Variants in TRIP11 observed in about 807,000 individuals in gnomAD.
TRIP11 encodes thyroid receptor-interacting protein 11.
Under a neutral mutation model 223.1 loss-of-function variants are expected in TRIP11, and 148 were observed. The observed-to-expected ratio is 0.66, with a 90% CI of 0.58 to 0.76. The LOEUF (loss-of-function observed/expected upper bound fraction) is 0.76, where lower values mean the gene tolerates loss of function less well. TRIP11 is among the 30% of genes least tolerant of loss of function. TRIP11 has a pLI of 0.00. For synonymous variants in TRIP11, 762 were observed against 772.6 expected, an observed-to-expected ratio of 0.99 and a Z score of 0.23; for missense variants, 2,043 against 2,222.0, an observed-to-expected ratio of 0.92 and a Z score of 1.62.
intron 13 of TRIP11, among the ~76,000 whole-genome samples, chr14:91,996,469 G>C (rs999980849): frequency 6.6e-6 from 1 of 152,166 alleles, no homozygotes; most frequent in African/African-American, 2.4e-5. Flanking sequence ...TTGAGCCCAG[G>C]AGCTTGAGGC....
chr14:92,029,280 A>ATTTTTTTTTT lies in TRIP11; in HGVS notation c.202-3870_202-3861dup, dbSNP rs60778253. On this transcript the variant is annotated intron_variant, in intron 2 of 20. Coordinates refer to ENST00000267622, the MANE Select transcript of TRIP11 (RefSeq NM_004239.4). ...TTCTGACTGCATTGCCCAAAGTATTATTTTTTTTTTTTTTTTTTTTTTTTT... is the reference window on the plus strand; with the variant it reads ...TTCTGACTGCATTGCCCAAAGTATTATTTTTTTTTTTTTTTTTTTTTTTTTTTTTTTTTTT... Among the ~76,000 whole-genome samples, 32 of 76,796 alleles carry ATTTTTTTTTT rather than the reference A, an allele frequency of 4.2e-4. 1 individual carries two copies. Among genetic ancestry groups the ATTTTTTTTTT allele is most frequent in the African/African-American group, 1.4e-3 (24 of 17,294 alleles). 50.4% of individuals were successfully genotyped at this position (76,796 alleles called of 152,430 possible). A position where few individuals can be genotyped will look rare whatever the true frequency, so the allele number is the denominator to read the frequency against.
chr14:91,980,441 T>C (rs1370091078), intron 16 of TRIP11, among the ~76,000 whole-genome samples: 3 of 152,360 alleles, frequency 2.0e-5, no homozygotes, highest in East Asian at 1.9e-4. Context: ...ATATGAATCA[T>C]GGTCCTATCA....
rs765791979 is a variant in TRIP11, at chr14:91,993,891, G to A, written c.5078C>T (p.Ala1693Val). 23 of 1,613,018 alleles carry A rather than the reference G, an allele frequency of 1.4e-5. No homozygotes were observed. The South Asian group carries it at 2.2e-4, about 15-fold the overall frequency. The stretch of plus-strand genomic sequence containing the variant: ...AAGCTGTTTTTGCTTTTCGAGTTCA[G>A]CAGAATACATAGCTTTTTCCTCTAA... ...FQQEEKAMYS[A>V]ELEKQKQLIA... Residue 1693 changes from alanine to valine, a missense_variant, in exon 15 of 21, where the codon GCT becomes GTT. Ala to Val is a moderately conservative substitution (Grantham distance 64). Transcript: ENST00000267622.
In TRIP11 at chr14:92,025,508, T is replaced by TCCCC. The variant is rs577391295; in HGVS notation, c.202-89_202-88insGGGG. 4.0e-3 allele frequency: 3,357 copies of TCCCC among 832,738 alleles called. 78 individuals are homozygous for TCCCC. In the African/African-American group the frequency reaches 0.051, roughly 13 times the overall value. 51.6% of individuals were successfully genotyped at this position (832,738 alleles called of 1,614,324 possible). On this transcript the variant is annotated intron_variant, in intron 2 of 20. Transcript: ENST00000267622. ...ACAGCATTATGAAAAACGTACTGCT[T>TCCCC]TCCCCCCCCAAAAATGTCAAATATA...
intron 6 of TRIP11, among the ~76,000 whole-genome samples, chr14:92,014,898 T>G (rs1465509168): frequency 6.9e-6 from 1 of 145,218 alleles, no homozygotes; most frequent in Non-Finnish European, 1.5e-5. Flanking sequence ...ATTTCCATTT[T>G]CACAGAATTT....
At position 92,039,542 on chromosome 14, in the gene TRIP11, G is replaced by A. The variant is rs1305421906; in HGVS notation, c.139+5C>T. 6.2e-7 allele frequency: 1 copy of A among 1,613,678 alleles called. No individual in the cohort carries two copies. Among genetic ancestry groups the A allele is most frequent in the South Asian group, 1.1e-5 (1 of 90,992 alleles). ...AGCCCTCCCTTCCCTCGCTCCAGCT[G>A]TTACCTTCCACTTCCTCCGTGCCCT... On this transcript the variant is annotated splice_donor_5th_base_variant and intron_variant, in intron 1 of 20. Coordinates refer to ENST00000267622, the MANE Select transcript of TRIP11 (RefSeq NM_004239.4).
chr14:91,982,152 A>C (rs1379347661), intron 16 of TRIP11, among the ~76,000 whole-genome samples: 1 of 152,196 alleles, frequency 6.6e-6, no homozygotes, highest in Non-Finnish European at 1.5e-5. Context: ...TACTATGTAC[A>C]CTTGATTTTA....
chr14:92,020,035 G>C (rs1802974464), intron 4 of TRIP11, among the ~76,000 whole-genome samples: 1 of 152,060 alleles, frequency 6.6e-6, no homozygotes, highest in Admixed American at 6.6e-5. Flanking sequence ...GCGGCCTGAG[G>C]TCAAGAGTTT....
At chr14:92,025,183 T>C (rs556992711) in intron 3 of TRIP11, 127 bp downstream of exon 3, 1 of 737,306 alleles carries the variant, frequency 1.4e-6, no homozygotes, top group Non-Finnish European at 2.2e-6. Flanking sequence ...GAGTCGAAAA[T>C]CATTAAATTC....
Position 92,006,291 on chromosome 14 carries a change from T to C in TRIP11, c.1685A>G (p.Glu562Gly). 6.2e-7 allele frequency: 1 copy of C among 1,610,372 alleles called. No individual in the cohort carries two copies. Among genetic ancestry groups the C allele is most frequent in the Non-Finnish European group, 8.5e-7 (1 of 1,178,616 alleles). ...DITKELDVQKEKLIQSEVALN... is the reference protein window; with the variant it reads ...DITKELDVQKGKLIQSEVALN... Reference sequence around the variant, plus strand: ...GGCCACTTCACTTTGAATTAGCTTTTCTTTCTGTACATCTAACTCTTTAGT... The same window carrying C: ...GGCCACTTCACTTTGAATTAGCTTTCCTTTCTGTACATCTAACTCTTTAGT... The change falls in exon 11 of 21, where the codon GAA becomes GGA. Residue 562 changes from glutamate to glycine, a missense_variant. Physicochemically the swap from Glu to Gly is moderately conservative, Grantham distance 98. Transcript: ENST00000267622.
intron 7 of TRIP11, among the ~76,000 whole-genome samples, chr14:92,013,777 T>C (rs2057002765): frequency 6.6e-6 from 1 of 152,226 alleles, no homozygotes; most frequent in Non-Finnish European, 1.5e-5. Context: ...TTACTGGTGT[T>C]TGGCCTATTT....
chr14:92,035,563 T>C (rs1437657600), intron 1 of TRIP11, among the ~76,000 whole-genome samples: 2 of 138,932 alleles, frequency 1.4e-5, no homozygotes, highest in Non-Finnish European at 3.1e-5. Flanking sequence ...AAAAACCTCA[T>C]TTTTTATTTA....
intron 2 of TRIP11, chr14:92,030,740 T>C (rs540968409): frequency 1.3e-5 from 2 of 152,298 alleles, no homozygotes; most frequent in South Asian, 2.1e-4. Flanking sequence ...TATGTTCATA[T>C]GTAGAAGGCT....
chr14:92,007,560 T>G lies in TRIP11; in HGVS notation c.1527+80A>C, dbSNP rs571204561. On this transcript the variant is annotated intron_variant, in intron 10 of 20. Transcript: ENST00000267622. ...TGTCAATCTCTATGAACTAAAATAT[T>G]AATTAAATCACACCCACCATTTCTG... 6 of 1,469,744 alleles carry G rather than the reference T, an allele frequency of 4.1e-6. No homozygotes were observed. In the East Asian group the frequency reaches 1.4e-4, roughly 33 times the overall value. The allele number at this position is 1,469,744 out of a possible 1,614,324, so 91.0% of individuals were successfully genotyped here.
At chr14:91,972,929 G>T in intron 19 of TRIP11, 68 bp from the exon 20 acceptor site, 1 of 1,265,528 alleles carries the variant, frequency 7.9e-7, no homozygotes, top group Non-Finnish European at 1.1e-6. Flanking sequence ...CTAAGGAAAT[G>T]TACCAGCTTT....
chr14:92,033,884 T>A (rs937861368), intron 1 of TRIP11, among the ~76,000 whole-genome samples: 1 of 152,166 alleles, frequency 6.6e-6, no homozygotes, highest in Non-Finnish European at 1.5e-5. Context: ...GCTGCAGGCA[T>A]ACCCCCCGAG....
intron 9 of TRIP11, among the ~76,000 whole-genome samples, chr14:92,008,173 C>G (rs2056928902): frequency 6.6e-6 from 1 of 152,144 alleles, no homozygotes; most frequent in Admixed American, 6.5e-5. Context: ...TCCACCGTGG[C>G]TACCCTTTAT....
intron 16 of TRIP11, among the ~76,000 whole-genome samples, chr14:91,982,520 AC>A (rs1400972898): frequency 5.3e-5 from 8 of 152,176 alleles, no homozygotes; most frequent in African/African-American, 1.4e-4. Context: ...TATGCTCACT[AC>A]CTGAGTGACA....
intron 10 of TRIP11, among the ~76,000 whole-genome samples, 195 bp from the exon 11 acceptor site, chr14:92,006,643 T>C (rs551269262): frequency 6.6e-6 from 1 of 152,356 alleles, no homozygotes; most frequent in African/African-American, 2.4e-5. Flanking sequence ...CATCTTGTCT[T>C]TTTTGTTTTT....
Sources: allele counts gnomAD v4.1 joint callset (sites outside exome capture counted in the v4.1 genomes callset), GRCh38; gene constraint gnomAD v4.1.1; transcripts MANE v1.5; gene names NCBI Gene and HGNC (gene_info 2026-07-23, HGNC 2026-07-21).